MYT1L: variants seen among roughly 807,000 people sequenced by gnomAD.
MYT1L encodes the protein myelin transcription factor 1-like protein.
In MYT1L, 12 loss-of-function variants were observed where a neutral mutation model predicts 126.7. That is an observed-to-expected ratio of 0.09 (90% CI 0.06 to 0.15). The LOEUF (loss-of-function observed/expected upper bound fraction) is 0.15. Among genes scored for constraint, MYT1L ranks in the 10% least tolerant of loss-of-function variants. The pLI, the probability that MYT1L is intolerant of heterozygous loss-of-function variation, is 1.00. For synonymous variants in MYT1L, 541 were observed against 604.2 expected (o/e 0.90, Z 1.53); for missense variants, 979 against 1,585.2 (o/e 0.62, Z 6.49).
In MYT1L at chr2:1,806,840, C is replaced by T. The variant is rs137870615; in HGVS notation, c.3172+2236G>A. ...AATGGGGAACAAAGGCACGTGGACT[C>T]GGATCAATTGTCTAAGGATTTCCAC... is the stretch of plus-strand genomic sequence containing the variant. On this transcript the variant is annotated intron_variant, in intron 22 of 24. Transcript: ENST00000647738. The surrounding 1 kb of genome is among the most constrained non-coding windows in gnomAD (Gnocchi z 4.9). 5.9e-5 allele frequency among the ~76,000 whole-genome samples: 9 copies of T among 152,298 alleles called. No individual in the cohort carries two copies. Among genetic ancestry groups the T allele is most frequent in the South Asian group, 4.1e-4 (2 of 4,824 alleles).
intron 4 of MYT1L, among the ~76,000 whole-genome samples, chr2:2,024,691 A>G (rs1295711462): frequency 2.0e-5 from 3 of 152,226 alleles, no homozygotes; most frequent in South Asian, 2.1e-4. Context: ...GTGTCTGCCT[A>G]CTTTCCCCAC....
chr2:1,860,959 C>G (rs1251467152), intron 18 of MYT1L, among the ~76,000 whole-genome samples: 1 of 151,958 alleles, frequency 6.6e-6, no homozygotes, highest in Non-Finnish European at 1.5e-5. Flanking sequence ...CGACCACGCT[C>G]ATGGCCAGCA....
At chr2:2,017,710 A>G (rs1181943589) in intron 4 of MYT1L, among the ~76,000 whole-genome samples, 1 of 151,742 alleles carries the variant, frequency 6.6e-6, no homozygotes, top group African/African-American at 2.4e-5. Flanking sequence ...CTATCTATCT[A>G]TCTAACCATC....
Position 1,949,992 on chromosome 2 carries a change from C to T in MYT1L, c.153-6658G>A, listed in dbSNP as rs116707078. Among the ~76,000 whole-genome samples the T allele has an allele frequency of 6.0e-3, 919 of 152,216 alleles. 10 individuals are homozygous for T. Among genetic ancestry groups the T allele is most frequent in the African/African-American group, 0.021 (872 of 41,540 alleles). On this transcript the variant is annotated intron_variant, in intron 8 of 24. Transcript: ENST00000647738. ...TAATTCTGGAGCACCGGTTTTCAACCAGCTCAGTTAATACCAGCACTGCTT... is the reference window on the plus strand; with the variant it reads ...TAATTCTGGAGCACCGGTTTTCAACTAGCTCAGTTAATACCAGCACTGCTT...
At chr2:2,237,021 T>A (rs1572726387) in intron 2 of MYT1L, among the ~76,000 whole-genome samples, 1 of 152,016 alleles carries the variant, frequency 6.6e-6, no homozygotes, top group African/African-American at 2.4e-5. Flanking sequence ...TCCATGTTGG[T>A]CAGGTTGGTC....
At chr2:2,220,451 C>G (rs988575086) in intron 2 of MYT1L, among the ~76,000 whole-genome samples, 10 of 151,998 alleles carry the variant, frequency 6.6e-5, no homozygotes, top group African/African-American at 2.4e-4. Flanking sequence ...ATTGTGGAGG[C>G]TAAGGTTCTT....
chr2:2,253,218 G>C (rs1432687524), intron 2 of MYT1L, among the ~76,000 whole-genome samples: 1 of 152,314 alleles, frequency 6.6e-6, no homozygotes, highest in African/African-American at 2.4e-5. Flanking sequence ...CCACTGTCCA[G>C]CCTGGTCTCC....
chr2:2,234,815 C>T (rs1489108332), intron 2 of MYT1L, among the ~76,000 whole-genome samples: 1 of 152,154 alleles, frequency 6.6e-6, no homozygotes, highest in East Asian at 1.9e-4. Flanking sequence ...ATAACATAGG[C>T]TATTATTTAA....
chr2:2,227,691 G>C (rs528138076), intron 2 of MYT1L, among the ~76,000 whole-genome samples: 77 of 152,216 alleles, frequency 5.1e-4, no homozygotes, highest in African/African-American at 1.7e-3. Flanking sequence ...TGGGGATAGT[G>C]GTTCAAATAT....
chr2:2,125,270 C>G (rs1010690882), intron 3 of MYT1L, among the ~76,000 whole-genome samples: 3 of 152,188 alleles, frequency 2.0e-5, no homozygotes, highest in African/African-American at 7.2e-5. Context: ...AGCCTCCTGT[C>G]TTGCCTTCCC....
At chr2:2,137,566 C>A (rs1382140810) in intron 3 of MYT1L, among the ~76,000 whole-genome samples, 1 of 152,110 alleles carries the variant, frequency 6.6e-6, no homozygotes, top group Non-Finnish European at 1.5e-5. Flanking sequence ...CTTTGACAAA[C>A]CTGCGAAAAA....
At chr2:1,877,931 G>T (rs979062936) in intron 18 of MYT1L, among the ~76,000 whole-genome samples, 1 of 152,226 alleles carries the variant, frequency 6.6e-6, no homozygotes, top group African/African-American at 2.4e-5. Context: ...GCATCAGCAA[G>T]CTTGGGAGAG....
intron 3 of MYT1L, among the ~76,000 whole-genome samples, chr2:2,141,397 C>G (rs1042057069): frequency 6.6e-6 from 1 of 152,076 alleles, no homozygotes; most frequent in African/African-American, 2.4e-5. Context: ...TTTAGGATGC[C>G]CTACCCACCT....
At chr2:2,275,248 A>G (rs930064083) in intron 2 of MYT1L, among the ~76,000 whole-genome samples, 106 of 112,834 alleles carry the variant, frequency 9.4e-4, no homozygotes, top group African/African-American at 2.5e-3. Flanking sequence ...GTGTGTGTGC[A>G]TGCCTGTTAT....
At chr2:2,148,632 C>T (rs552148302) in intron 3 of MYT1L, among the ~76,000 whole-genome samples, 13 of 152,270 alleles carry the variant, frequency 8.5e-5, no homozygotes, top group East Asian at 5.8e-4. Context: ...TTAGAGAATA[C>T]GGTTGTCTCC....
chr2:2,058,561 A>G (rs1418728558), intron 3 of MYT1L, among the ~76,000 whole-genome samples: 1 of 152,242 alleles, frequency 6.6e-6, no homozygotes, highest in African/African-American at 2.4e-5. Context: ...TTATTTGTAA[A>G]TCACAAGAGT....
intron 5 of MYT1L, among the ~76,000 whole-genome samples, chr2:1,980,489 C>T (rs1371460763): frequency 5.3e-5 from 8 of 152,064 alleles, no homozygotes; most frequent in Non-Finnish European, 2.9e-5. Context: ...TTGTCCTCCA[C>T]ATTTATCTAA....
chr2:2,005,262 A>ATG (rs1184082750), intron 4 of MYT1L, among the ~76,000 whole-genome samples: 49 of 9,906 alleles, frequency 4.9e-3, no homozygotes, highest in African/African-American at 0.011. Flanking sequence ...TTTCCTGCAT[A>ATG]CGTTCTTTCC....
At chr2:1,923,813 G>A (rs927255052) in intron 9 of MYT1L, among the ~76,000 whole-genome samples, 12 of 152,238 alleles carry the variant, frequency 7.9e-5, no homozygotes, top group Non-Finnish European at 1.3e-4. Context: ...TGCATTGGGA[G>A]CTCAGATTCA....
Sources: gnomAD v4.1 joint callset for allele counts (sites outside exome capture counted in the v4.1 genomes callset) on GRCh38, gnomAD v4.1.1 for gene constraint, Gnocchi (gnomAD v3.1) non-coding constraint, MANE v1.5 for transcripts, NCBI Gene and HGNC (gene_info 2026-07-23, HGNC 2026-07-21) for gene names.